Variants in KCNAB3 observed in about 807,000 individuals in gnomAD.
KCNAB3 encodes the protein potassium voltage-gated channel subfamily A regulatory beta subunit 3.
A neutral mutation model predicts 67.7 loss-of-function variants in KCNAB3; 62 were observed. The ratio of observed to expected loss-of-function variants is 0.92; its 90% confidence interval spans 0.75 to 1.13. The LOEUF (loss-of-function observed/expected upper bound fraction) is 1.13. KCNAB3 is among the 50% of genes most tolerant of loss of function. The pLI is 0.00. For missense variants in KCNAB3, 514 were observed against 522.9 expected (o/e 0.98, Z 0.17); for synonymous variants, 212 against 205.4 (o/e 1.03, Z -0.27).
chr17:7,924,460 C>A lies in KCNAB3; in HGVS notation c.666G>T (p.Leu222=), dbSNP rs774228071. ...RAMTYVINQG[L]ALYWGTSRWG... is the part of the protein sequence containing the mutation. ...ATCGGGATGTCCCCCAGTATAGGGC[C>A]AGGCCCTGGTTGATGACATAGGTCA... is the stretch of plus-strand genomic sequence containing the variant. The change falls in exon 9 of 14, where the codon CTG becomes CTT. Residue 222 remains leucine (L), a synonymous_variant. Transcript: ENST00000303790. The A allele has an allele frequency of 1.9e-6, 3 of 1,614,120 alleles. No individual in the cohort carries two copies. Among genetic ancestry groups the A allele is most frequent in the Non-Finnish European group, 2.5e-6 (3 of 1,179,990 alleles).
Position 7,929,786 on chromosome 17 carries a change from A to C in KCNAB3, c.-351T>G. On this transcript the variant is annotated 5_prime_UTR_variant, in exon 1 of 14. Coordinates refer to ENST00000303790, the MANE Select transcript of KCNAB3 (RefSeq NM_004732.4). This position sits in a 1 kb window ranked among gnomAD's most constrained non-coding sequence, Gnocchi z 5.7. ...CCCAGGGGGAAGCGGGGCGGGAGAG[A>C]GATGCCACTTCAGCGCGAACCGCTG... The C allele has an allele frequency of 8.8e-7, 1 of 1,139,252 alleles. No individual in the cohort carries two copies. The highest frequency in any genetic ancestry group is 1.1e-6 in the Non-Finnish European group (1 of 923,320). The allele number at this position is 1,139,252 out of a possible 1,614,324, so 70.6% of individuals were successfully genotyped here. A position where few individuals can be genotyped will look rare whatever the true frequency, so the allele number is the denominator to read the frequency against.
intron 4 of KCNAB3, among the ~76,000 whole-genome samples, chr17:7,926,385 A>G (rs557153500): frequency 1.3e-5 from 2 of 152,326 alleles, no homozygotes; most frequent in South Asian, 4.1e-4. Context: ...AGAGGGGCCA[A>G]CTATGGTGGA....
In KCNAB3 at chr17:7,929,057, C is replaced by T; in HGVS notation, c.242+137G>A. ...AAGAGAGGGACAAAGTGAGGGAGTG[C>T]CAGAGACAGAAAGAAGAGATGGAAA... On this transcript the variant is annotated intron_variant, in intron 1 of 13. Coordinates refer to ENST00000303790, the MANE Select transcript of KCNAB3 (RefSeq NM_004732.4). This position sits in a 1 kb window ranked among gnomAD's most constrained non-coding sequence, Gnocchi z 5.7. 1 of 1,322,990 alleles carries T rather than the reference C, an allele frequency of 7.6e-7. No homozygotes were observed. Among genetic ancestry groups the T allele is most frequent in the Non-Finnish European group, 1.0e-6 (1 of 979,206 alleles). The allele number at this position is 1,322,990 out of a possible 1,614,324, so 82.0% of individuals were successfully genotyped here. A position where few individuals can be genotyped will look rare whatever the true frequency, so the allele number is the denominator to read the frequency against.
Position 7,924,492 on chromosome 17 carries a change from G to A in KCNAB3, c.634C>T (p.Arg212Ter), listed in dbSNP as rs754099814. The stretch of plus-strand genomic sequence containing the variant: ...TGGTTGATGACATAGGTCATGGCTC[G>A]CACAATCTCTAGGTACACAGGAGAG... Reference protein sequence around the residue: ...DPNCPMEEIVRAMTYVINQGL... With the variant: ...DPNCPMEEIV Residue 212 changes from arginine (R) to a stop codon, truncating the protein, a stop_gained, in exon 9 of 14, where the codon CGA becomes TGA. Transcript: ENST00000303790. LOFTEE classifies it high-confidence loss of function. The A allele has an allele frequency of 1.6e-5, 26 of 1,613,166 alleles. 1 individual carries two copies. The highest frequency in any genetic ancestry group is 1.2e-4 in the South Asian group (11 of 90,998).
Position 7,924,046 on chromosome 17 carries a change from A to G in KCNAB3, c.849T>C (p.Thr283=). ...LYHKIGVGSV[T]WYPLACGLIT... ...TGAGACCACAGGCTAGAGGGTACCA[A>G]GTGACTGATCCAACTCCTAAGGGAA... The change falls in exon 11 of 14, where the codon ACT becomes ACC. Residue 283 remains threonine, a synonymous_variant. Coordinates refer to ENST00000303790, the MANE Select transcript of KCNAB3 (RefSeq NM_004732.4). The G allele has an allele frequency of 2.5e-6, 4 of 1,614,128 alleles. No homozygotes were observed. Among genetic ancestry groups the G allele is most frequent in the Non-Finnish European group, 3.4e-6 (4 of 1,180,010 alleles).
intron 7 of KCNAB3, 27 bp from the exon 8 acceptor site, chr17:7,925,210 T>A: frequency 1.3e-6 from 2 of 1,582,102 alleles, no homozygotes; most frequent in Non-Finnish European, 1.7e-6. Flanking sequence ...GAGAAGAAAA[T>A]AAGCACCTCA....
chr17:7,923,566 A>G (rs776450050), intron 12 of KCNAB3, 22 bp from the exon 13 acceptor site: 1 of 1,583,968 alleles, frequency 6.3e-7, no homozygotes, highest in Non-Finnish European at 8.6e-7. Context: ...GGAGGAAAAA[A>G]AGAGGACTGA....
At chr17:7,925,777 G>A (rs746903514) in intron 6 of KCNAB3, 51 bp from the exon 7 acceptor site, 2 of 1,611,322 alleles carry the variant, frequency 1.2e-6, no homozygotes, top group Non-Finnish European at 1.7e-6. Context: ...TAGGGGACCG[G>A]GGCTGGCTTG....
intron 4 of KCNAB3, chr17:7,927,019 G>C (rs146187780): frequency 3.1e-6 from 1 of 320,878 alleles, no homozygotes; most frequent in East Asian, 7.1e-5. Flanking sequence ...GGCAGGGTAG[G>C]TCATCCTAGG....
Position 7,929,731 on chromosome 17 carries a change from G to GGATGAGGT in KCNAB3, c.-304_-297dup, listed in dbSNP as rs1972363504. Reference sequence around the variant, plus strand: ...GGAAATGGATGAGGGTAAAGGTCGAGGATGAGGTAAAGGTCTCGGAGGATA... The same window carrying GGATGAGGT: ...GGAAATGGATGAGGGTAAAGGTCGAGGATGAGGTGATGAGGTAAAGGTCTCGGAGGATA... On this transcript the variant is annotated 5_prime_UTR_variant, in exon 1 of 14. Transcript: ENST00000303790. The surrounding 1 kb of genome is among the most constrained non-coding windows in gnomAD (Gnocchi z 5.7). 7.7e-7 allele frequency: 1 copy of GGATGAGGT among 1,291,496 alleles called. No homozygotes were observed. 80.0% of individuals were successfully genotyped at this position (1,291,496 alleles called of 1,614,324 possible). A position where few individuals can be genotyped will look rare whatever the true frequency, so the allele number is the denominator to read the frequency against.
intron 1 of KCNAB3, 131 bp from the exon 2 acceptor site, chr17:7,927,957 G>T: frequency 9.1e-7 from 1 of 1,093,520 alleles, no homozygotes; most frequent in Non-Finnish European, 1.4e-6. Flanking sequence ...GACCCAGTGG[G>T]CCTATAAGAT....
Position 7,924,060 on chromosome 17 carries a change from C to A in KCNAB3, c.835G>T (p.Val279Phe). The A allele has an allele frequency of 1.2e-6, 2 of 1,614,170 alleles. No individual in the cohort carries two copies. Among genetic ancestry groups the A allele is most frequent in the Non-Finnish European group, 1.7e-6 (2 of 1,180,028 alleles). Reference protein sequence around the residue: ...QLPELYHKIGVGSVTWYPLAC... With the variant: ...QLPELYHKIGFGSVTWYPLAC... The stretch of plus-strand genomic sequence containing the variant: ...AGAGGGTACCAAGTGACTGATCCAA[C>A]TCCTAAGGGAAGAACACTGGGTGTC... Residue 279 changes from valine (V) to phenylalanine (F), a missense_variant and splice_region_variant, in exon 11 of 14, where the codon GTT becomes TTT. Physicochemically the swap from Val to Phe is conservative, Grantham distance 50 (BLOSUM62 -1). Transcript: ENST00000303790.
In KCNAB3 at chr17:7,927,694, C is replaced by A; in HGVS notation, c.287G>T (p.Gly96Val). The A allele has an allele frequency of 6.2e-7, 1 of 1,614,184 alleles. No homozygotes were observed. Among genetic ancestry groups the A allele is most frequent in the Non-Finnish European group, 8.5e-7 (1 of 1,180,034 alleles). Reference sequence around the variant, plus strand: ...CTGAGAACCAAATGTGACCCAGGTACCTGCAAGAGAGAAGCCAGGCACATG... The same window carrying A: ...CTGAGAACCAAATGTGACCCAGGTAACTGCAAGAGAGAAGCCAGGCACATG... ...SGLRVSCLGL[G>V]TWVTFGSQIS... is the part of the protein sequence containing the mutation. The change falls in exon 3 of 14, where the codon GGT becomes GTT. Residue 96 changes from glycine to valine, a missense_variant and splice_region_variant. By Grantham distance (109) the Gly-to-Val change is moderately radical. Coordinates refer to ENST00000303790, the MANE Select transcript of KCNAB3 (RefSeq NM_004732.4).
rs1286217329 is a variant in KCNAB3 at position 7,924,489 on chromosome 17, C to T, written c.637G>A (p.Ala213Thr). The change falls in exon 9 of 14, where the codon GCC (alanine) becomes ACC (threonine). Residue 213 changes from alanine (A) to threonine (T), a missense_variant. Ala to Thr is a moderately conservative substitution (Grantham distance 58). Transcript: ENST00000303790. ...CCCTGGTTGATGACATAGGTCATGG[C>T]TCGCACAATCTCTAGGTACACAGGA... ...PNCPMEEIVRAMTYVINQGLA... is the reference protein window; with the variant it reads ...PNCPMEEIVRTMTYVINQGLA... 4 of 1,613,604 alleles carry T rather than the reference C, an allele frequency of 2.5e-6. No individual in the cohort carries two copies. In the African/African-American group the frequency reaches 4.0e-5, roughly 16 times the overall value.
Position 7,927,772 on chromosome 17 carries a change from T to C in KCNAB3, c.286+11A>G. The C allele has an allele frequency of 6.2e-7, 1 of 1,614,148 alleles. No homozygotes were observed. Among genetic ancestry groups the C allele is most frequent in the Non-Finnish European group, 8.5e-7 (1 of 1,180,024 alleles). ...AATGCCCTCCTTTCCTTAATCCCTA[T>C]TCTGACTCACCTAGGCCAAGACAGG... is the stretch of plus-strand genomic sequence containing the variant. On this transcript the variant is annotated intron_variant, in intron 2 of 13. Transcript: ENST00000303790.
At chr17:7,928,194 G>A in intron 1 of KCNAB3, 1 of 368,396 alleles carries the variant, frequency 2.7e-6, no homozygotes, top group East Asian at 5.6e-5. Flanking sequence ...TGATTGTGGT[G>A]AGTTTGTGAG....
In KCNAB3 at chr17:7,923,079, T is replaced by G. The variant is rs772656223; in HGVS notation, c.*23A>C. 2 of 1,610,888 alleles carry G rather than the reference T, an allele frequency of 1.2e-6. No individual in the cohort carries two copies. Among genetic ancestry groups the G allele is most frequent in the Non-Finnish European group, 1.7e-6 (2 of 1,177,148 alleles). ...TCGGGCGGGTGCAGCGACACCGGGT[T>G]GGGTCCCTGCGCCCGCGACAGACTA... On this transcript the variant is annotated 3_prime_UTR_variant, in exon 14 of 14. Transcript: ENST00000303790.
chr17:7,923,536 GA>G lies in KCNAB3; in HGVS notation c.1056del (p.Leu353SerfsTer19). ...ACAGAGCTGACACCCTCACTGCGGA[GA>G]CACCACGCTGGGGCCAGAGGAGGAA... ...CTVAQLAIAW[C>X]LRSEGVSSVL... On this transcript the variant is annotated frameshift_variant, in exon 13 of 14. Transcript: ENST00000303790. LOFTEE classifies it high-confidence loss of function. 1 of 1,609,304 alleles carries G rather than the reference GA, an allele frequency of 6.2e-7. No homozygotes were observed. The highest frequency in any genetic ancestry group is 8.5e-7 in the Non-Finnish European group (1 of 1,177,900).
Position 7,929,792 on chromosome 17 carries a change from C to T in KCNAB3, c.-357G>A. 9.2e-6 allele frequency: 10 copies of T among 1,090,046 alleles called. No homozygotes were observed. Among genetic ancestry groups the T allele is most frequent in the Admixed American group, 5.3e-5 (1 of 18,940 alleles). The allele number at this position is 1,090,046 out of a possible 1,614,324, so 67.5% of individuals were successfully genotyped here. ...GGGAAGCGGGGCGGGAGAGAGATGC[C>T]ACTTCAGCGCGAACCGCTGCGGGAC... On this transcript the variant is annotated 5_prime_UTR_variant, in exon 1 of 14. Coordinates refer to ENST00000303790, the MANE Select transcript of KCNAB3 (RefSeq NM_004732.4). The surrounding 1 kb of genome is among the most constrained non-coding windows in gnomAD (Gnocchi z 5.7).
Sources: allele counts gnomAD v4.1 joint callset (sites outside exome capture counted in the v4.1 genomes callset), GRCh38; gene constraint gnomAD v4.1.1; non-coding constraint Gnocchi (gnomAD v3.1); transcripts MANE v1.5; gene names NCBI Gene and HGNC (gene_info 2026-07-23, HGNC 2026-07-21).